Variants in LRRC7 observed in about 807,000 individuals in gnomAD.
LRRC7 encodes the protein leucine rich repeat containing 7.
Under a neutral mutation model 175.7 loss-of-function variants are expected in LRRC7, and 23 were observed. The observed-to-expected ratio is 0.13, with a 90% CI of 0.09 to 0.19. LRRC7 has a LOEUF of 0.19. Among genes scored for constraint, LRRC7 ranks in the 10% least tolerant of loss-of-function variants. The pLI, the probability that LRRC7 is intolerant of heterozygous loss-of-function variation, is 1.00. For synonymous variants in LRRC7, 685 were observed against 680.9 expected (o/e 1.01, Z -0.09); for missense variants, 1,354 against 1,904.7 (o/e 0.71, Z 5.38).
rs1666830438 is a variant in LRRC7 at position 70,135,482 on chromosome 1, G to A, written c.*13595G>A. On this transcript the variant is annotated 3_prime_UTR_variant, in exon 27 of 27. Coordinates refer to ENST00000651989, the MANE Select transcript of LRRC7 (RefSeq NM_001370785.2). Reference sequence around the variant, plus strand: ...TTGGGGTGCAGGACCCCCAGCAGCTGTGGGAAGAGAAGAGAGCAGGAGAAG... The same window carrying A: ...TTGGGGTGCAGGACCCCCAGCAGCTATGGGAAGAGAAGAGAGCAGGAGAAG... 6.6e-6 allele frequency among the ~76,000 whole-genome samples: 1 copy of A among 152,210 alleles called. No individual in the cohort carries two copies. Among genetic ancestry groups the A allele is most frequent in the Non-Finnish European group, 1.5e-5 (1 of 68,040 alleles).
intron 11 of LRRC7, among the ~76,000 whole-genome samples, chr1:70,008,035 G>A (rs961417716): frequency 1.3e-5 from 2 of 151,866 alleles, no homozygotes; most frequent in African/African-American, 4.8e-5. Context: ...ATATATATAT[G>A]AGCTTATTAA....
At chr1:69,571,052 G>A (rs1328150035) in intron 1 of LRRC7, among the ~76,000 whole-genome samples, 6 of 152,102 alleles carry the variant, frequency 3.9e-5, no homozygotes, top group Non-Finnish European at 7.4e-5. Flanking sequence ...TATGTGTTAT[G>A]CTGCATTGCA....
At chr1:69,969,615 T>C (rs1391485835) in intron 8 of LRRC7, among the ~76,000 whole-genome samples, 1 of 151,938 alleles carries the variant, frequency 6.6e-6, no homozygotes, top group Non-Finnish European at 1.5e-5. Context: ...ACACTGGAGC[T>C]CCCAAACTTA....
intron 1 of LRRC7, among the ~76,000 whole-genome samples, chr1:69,660,628 T>C (rs769872219): frequency 4.2e-4 from 64 of 152,132 alleles, no homozygotes; most frequent in Non-Finnish European, 8.4e-4. Flanking sequence ...GAATAAGGAC[T>C]TAATGAAGGG....
chr1:70,118,938 G>A (rs1200377996), intron 26 of LRRC7, among the ~76,000 whole-genome samples: 1 of 151,818 alleles, frequency 6.6e-6, no homozygotes, highest in African/African-American at 2.4e-5. Flanking sequence ...GAGGTTTTTT[G>A]AACTAACACC....
intron 8 of LRRC7, among the ~76,000 whole-genome samples, chr1:69,965,253 A>G (rs535513938): frequency 6.6e-6 from 1 of 152,340 alleles, no homozygotes; most frequent in East Asian, 1.9e-4. Flanking sequence ...AGTCCCTATT[A>G]AACTTCATTT....
chr1:69,786,544 A>G (rs1371847338), intron 3 of LRRC7, among the ~76,000 whole-genome samples: 1 of 152,042 alleles, frequency 6.6e-6, no homozygotes, highest in East Asian at 1.9e-4. Context: ...GGCAATTTAC[A>G]AAAGAAAGAG....
intron 10 of LRRC7, 33 bp downstream of exon 10, chr1:69,986,419 T>C: frequency 6.3e-7 from 1 of 1,581,266 alleles, no homozygotes; most frequent in Non-Finnish European, 8.6e-7. Flanking sequence ...CAAATATTTA[T>C]GTCAAATATA....
chr1:70,002,662 C>G (rs986415288), intron 11 of LRRC7, among the ~76,000 whole-genome samples: 2 of 152,074 alleles, frequency 1.3e-5, no homozygotes, highest in African/African-American at 4.8e-5. Flanking sequence ...CCTGGCTCCT[C>G]CACCCATTCA....
intron 10 of LRRC7, among the ~76,000 whole-genome samples, chr1:69,993,310 A>G (rs181385768): frequency 6.6e-6 from 1 of 152,304 alleles, no homozygotes; most frequent in African/African-American, 2.4e-5. Context: ...GATAGTGATA[A>G]CATTTCTCTC....
chr1:69,712,471 G>A (rs1207772073), intron 2 of LRRC7, among the ~76,000 whole-genome samples: 3 of 152,088 alleles, frequency 2.0e-5, no homozygotes, highest in South Asian at 2.1e-4. Flanking sequence ...AGGCTTGGTG[G>A]TGGGCGCCTG....
chr1:69,819,745 AT>A (rs1313427766), intron 4 of LRRC7, among the ~76,000 whole-genome samples: 1 of 152,040 alleles, frequency 6.6e-6, no homozygotes, highest in African/African-American at 2.4e-5. Context: ...TTGGGTGCAT[AT>A]ATATTTAAAT....
chr1:69,693,374 G>A (rs2024880), intron 2 of LRRC7, among the ~76,000 whole-genome samples: 36,561 of 152,030 alleles, frequency 0.24, 5,328 homozygotes, highest in African/African-American at 0.4. Flanking sequence ...GAATGTATGT[G>A]TATGTATAGA....
intron 1 of LRRC7, chr1:69,608,013 G>A (rs555769132): frequency 2.0e-5 from 3 of 152,634 alleles, no homozygotes; most frequent in East Asian, 3.9e-4. Context: ...TCTGAAATAC[G>A]TTTATCTTTT....
intron 8 of LRRC7, among the ~76,000 whole-genome samples, chr1:69,977,709 G>A (rs77344484): frequency 0.062 from 9,427 of 152,202 alleles, 286 homozygotes; most frequent in South Asian, 0.11. Flanking sequence ...AAGAGCTGTG[G>A]TGAATTTTCC....
rs1283643383 is a variant in LRRC7 at position 70,130,089 on chromosome 1, C to T, written c.*8202C>T. The stretch of plus-strand genomic sequence containing the variant: ...GTCTTCATGGAAAAAAATTTCTGTA[C>T]TCAGCACTACCATATTAATTTTTTC... On this transcript the variant is annotated 3_prime_UTR_variant, in exon 27 of 27. Coordinates refer to ENST00000651989, the MANE Select transcript of LRRC7 (RefSeq NM_001370785.2). 6.6e-6 allele frequency: 1 copy of T among 152,174 alleles called. No homozygotes were observed. The highest frequency in any genetic ancestry group is 1.5e-5 in the Non-Finnish European group (1 of 68,034). 9.4% of individuals were successfully genotyped at this position (152,174 alleles called of 1,614,324 possible). A position where few individuals can be genotyped will look rare whatever the true frequency, so the allele number is the denominator to read the frequency against.
In LRRC7 at chr1:70,038,294, G is replaced by A; in HGVS notation, c.2470G>A (p.Ala824Thr). 6.2e-7 allele frequency: 1 copy of A among 1,614,120 alleles called. No individual in the cohort carries two copies. The highest frequency in any genetic ancestry group is 8.5e-7 in the Non-Finnish European group (1 of 1,180,002). The change falls in exon 21 of 27, where the codon GCC becomes ACC. Residue 824 changes from alanine to threonine, a missense_variant. Physicochemically the swap from Ala to Thr is moderately conservative, Grantham distance 58. Coordinates refer to ENST00000651989, the MANE Select transcript of LRRC7 (RefSeq NM_001370785.2). ...NTGFVAEETT[A>T]ENANSNPLLS... ...AGGGTTTGTTGCTGAGGAAACCACAGCCGAGAATGCCAACAGTAATCCTCT... is the reference window on the plus strand; with the variant it reads ...AGGGTTTGTTGCTGAGGAAACCACAACCGAGAATGCCAACAGTAATCCTCT...
intron 7 of LRRC7, among the ~76,000 whole-genome samples, 191 bp from the exon 8 acceptor site, chr1:69,931,316 C>T (rs1647349834): frequency 6.6e-6 from 1 of 152,174 alleles, no homozygotes; most frequent in African/African-American, 2.4e-5. Flanking sequence ...CATTTGTGAA[C>T]AGATGCTGTA....
At chr1:69,795,610 A>G (rs1675644471) in intron 4 of LRRC7, among the ~76,000 whole-genome samples, 2 of 152,168 alleles carry the variant, frequency 1.3e-5, no homozygotes, top group Admixed American at 1.3e-4. Context: ...GACTATTTTG[A>G]AACAGAGACT....
Sources: gnomAD v4.1 joint callset for allele counts (sites outside exome capture counted in the v4.1 genomes callset) on GRCh38, gnomAD v4.1.1 for gene constraint, MANE v1.5 for transcripts, NCBI Gene and HGNC (gene_info 2026-07-23, HGNC 2026-07-21) for gene names.